The following DHRS4 variants were observed in gnomAD, a reference collection of about 807,000 sequenced individuals.
DHRS4 encodes the protein dehydrogenase/reductase 4.
A neutral mutation model predicts 28.4 loss-of-function variants in DHRS4; 20 were observed. That is an observed-to-expected ratio of 0.71 (90% confidence interval 0.50 to 1.02). The LOEUF (loss-of-function observed/expected upper bound fraction) is 1.02, where lower values mean the gene tolerates loss of function less well. Among genes scored for constraint, DHRS4 ranks in the 50% least tolerant of loss-of-function variants. DHRS4 has a pLI of 0.00. For synonymous variants in DHRS4, 144 were observed against 146.4 expected (o/e 0.98, Z 0.12); for missense variants, 378 against 367.2 (o/e 1.03, Z -0.24).
At chr14:23,954,706 T>C (rs1045275088) in intron 1 of DHRS4, among the ~76,000 whole-genome samples, 3 of 152,152 alleles carry the variant, frequency 2.0e-5, no homozygotes, top group African/African-American at 7.2e-5. Flanking sequence ...GACCCTCAAA[T>C]CACGGAAGTG....
chr14:23,964,979 C>A (rs1318332683), intron 3 of DHRS4, among the ~76,000 whole-genome samples: 1 of 150,340 alleles, frequency 6.7e-6, no homozygotes, highest in Non-Finnish European at 1.5e-5. Flanking sequence ...AACTGAGTTT[C>A]AATGGTTCAT....
intron 6 of DHRS4, among the ~76,000 whole-genome samples, chr14:23,966,921 C>G (rs71405820): frequency 3.3e-5 from 5 of 152,312 alleles, no homozygotes; most frequent in Non-Finnish European, 7.4e-5. Context: ...ATTGGGAGGC[C>G]GAGGCGGGCA....
chr14:23,965,935 C>T lies in DHRS4; in HGVS notation c.483C>T (p.Gly161=), dbSNP rs76754832. 0.021 allele frequency: 33,169 copies of T among 1,607,600 alleles called. 1,246 individuals are homozygous for T. Among genetic ancestry groups the T allele is most frequent in the African/African-American group, 0.053 (3,932 of 73,986 alleles). Residue 161 remains glycine, a synonymous_variant, in exon 5 of 8, where the codon GGC becomes GGT. Transcript: ENST00000313250. The part of the protein sequence containing the change: ...AVVPEMEKRG[G]GSVVIVSSIA... Reference sequence around the variant, plus strand: ...GTCAGCTCTCTTCTTTTTCCAGAGGCGGCTCAGTGGTGATCGTGTCTTCCA... The same window carrying T: ...GTCAGCTCTCTTCTTTTTCCAGAGGTGGCTCAGTGGTGATCGTGTCTTCCA...
Position 23,954,712 on chromosome 14 carries a change from A to G in DHRS4, c.129-323A>G, listed in dbSNP as rs199842000. ...TCTGAGTGAGACCCTCAAATCACGG[A>G]AGTGGCTGCTGCTGCAAACCCAGCT... On this transcript the variant is annotated intron_variant, in intron 1 of 7. Transcript: ENST00000313250. Among the ~76,000 whole-genome samples the G allele has an allele frequency of 6.6e-5, 10 of 152,346 alleles. No homozygotes were observed. In the East Asian group the frequency reaches 1.9e-3, roughly 29 times the overall value.
chr14:23,968,908 T>C lies in DHRS4; in HGVS notation c.*37T>C, dbSNP rs2033752160. ...CAGCCCACAGGCCAGAGTTGGGCTC[T>C]AGCTCCTGGTGCTGTTCCCGCATTC... is the stretch of plus-strand genomic sequence containing the variant. On this transcript the variant is annotated 3_prime_UTR_variant, in exon 8 of 8. Coordinates refer to ENST00000313250, the MANE Select transcript of DHRS4 (RefSeq NM_021004.4). The C allele has an allele frequency of 6.2e-7, 1 of 1,605,332 alleles. No homozygotes were observed. The highest frequency in any genetic ancestry group is 8.5e-7 in the Non-Finnish European group (1 of 1,175,948).
chr14:23,967,528 G>A (rs1264001322), intron 7 of DHRS4: 3 of 703,912 alleles, frequency 4.3e-6, no homozygotes, highest in Admixed American at 4.1e-5. Context: ...CTCCACCTGG[G>A]GGATTGCCTC....
intron 3 of DHRS4, among the ~76,000 whole-genome samples, chr14:23,962,558 T>C (rs11845361): frequency 0.53 from 78,006 of 147,984 alleles, 18,191 homozygotes; most frequent in East Asian, 0.74. Flanking sequence ...CGTGAGATTG[T>C]AGCAATTCAG....
chr14:23,958,790 G>C (rs142311197), intron 2 of DHRS4, among the ~76,000 whole-genome samples: 54 of 152,274 alleles, frequency 3.5e-4, no homozygotes, highest in African/African-American at 1.2e-3. Context: ...ACTGACCTCA[G>C]TTCTTCCACC....
chr14:23,957,521 G>A (rs1354919518), intron 2 of DHRS4, among the ~76,000 whole-genome samples: 1 of 150,578 alleles, frequency 6.6e-6, no homozygotes, highest in Non-Finnish European at 1.5e-5. Flanking sequence ...TTGGTGTAGT[G>A]ATCACACAAT....
chr14:23,967,004 A>C (rs2033648958), intron 6 of DHRS4, among the ~76,000 whole-genome samples: 1 of 151,952 alleles, frequency 6.6e-6, no homozygotes, highest in East Asian at 1.9e-4. Flanking sequence ...AAATACAAAA[A>C]ATTAGCCGGG....
intron 3 of DHRS4, among the ~76,000 whole-genome samples, chr14:23,964,244 A>AC (rs2033530912): frequency 7.3e-6 from 1 of 136,932 alleles, no homozygotes; most frequent in Non-Finnish European, 1.6e-5. Context: ...AAAAAAAAAA[A>AC]AAAAAAAAAA....
chr14:23,960,817 A>C (rs1482504817), intron 3 of DHRS4, among the ~76,000 whole-genome samples: 5 of 152,126 alleles, frequency 3.3e-5, no homozygotes, highest in Non-Finnish European at 7.3e-5. Flanking sequence ...ATTTATAAAG[A>C]AAAGAAGTTT....
rs753447935 is a variant in DHRS4 at position 23,955,087 on chromosome 14, G to C, written c.181G>C (p.Val61Leu). The change falls in exon 2 of 8, where the codon GTC (valine) becomes CTC (leucine). Residue 61 changes from valine (V) to leucine (L), a missense_variant. Val to Leu is a conservative substitution (Grantham distance 32). Transcript: ENST00000313250. Reference protein sequence around the residue: ...RLAQDGAHVVVSSRKQQNVDQ... With the variant: ...RLAQDGAHVVLSSRKQQNVDQ... ...GGCCCAGGACGGGGCCCATGTGGTC[G>C]TCAGCAGCCGGAAGCAGCAGAATGT... 14 of 1,614,062 alleles carry C rather than the reference G, an allele frequency of 8.7e-6. No individual in the cohort carries two copies. Among genetic ancestry groups the C allele is most frequent in the South Asian group, 4.4e-5 (4 of 91,088 alleles).
chr14:23,968,809 G>T lies in DHRS4; in HGVS notation c.775G>T (p.Asp259Tyr), dbSNP rs373889538. The T allele has an allele frequency of 6.2e-7, 1 of 1,610,658 alleles. No individual in the cohort carries two copies. Among genetic ancestry groups the T allele is most frequent in the Non-Finnish European group, 8.5e-7 (1 of 1,178,572 alleles). ...AGIVSFLCSE[D>Y]ASYITGETVV... ...CATCGTGTCTTTCCTGTGCTCTGAA[G>T]ATGCCAGCTACATCACTGGGGAAAC... Residue 259 changes from aspartate (D) to tyrosine (Y), a missense_variant, in exon 8 of 8, where the codon GAT becomes TAT. Physicochemically the swap from Asp to Tyr is radical, Grantham distance 160. Coordinates refer to ENST00000313250, the MANE Select transcript of DHRS4 (RefSeq NM_021004.4).
At chr14:23,960,814 A>G (rs2033387932) in intron 3 of DHRS4, among the ~76,000 whole-genome samples, 1 of 152,132 alleles carries the variant, frequency 6.6e-6, no homozygotes, top group Non-Finnish European at 1.5e-5. Flanking sequence ...GCAATTTATA[A>G]AGAAAAGAAG....
At position 23,953,808 on chromosome 14, in the gene DHRS4, T is replaced by C. The variant is rs1384806404; in HGVS notation, c.20T>C (p.Leu7Pro). Residue 7 changes from leucine (L) to proline (P), a missense_variant, in exon 1 of 8, where the codon CTA becomes CCA. Leu to Pro is a moderately conservative substitution (Grantham distance 98). Coordinates refer to ENST00000313250, the MANE Select transcript of DHRS4 (RefSeq NM_021004.4). MHKAGLLGLCARAWNSV... is the reference protein window; with the variant it reads MHKAGLPGLCARAWNSV... ...TGATCCATGCACAAGGCGGGGCTGC[T>C]AGGCCTCTGTGCCCGGGCTTGGAAT... The C allele has an allele frequency of 4.3e-6, 7 of 1,614,116 alleles. No individual in the cohort carries two copies. Among genetic ancestry groups the C allele is most frequent in the South Asian group, 1.1e-5 (1 of 91,086 alleles).
intron 6 of DHRS4, 89 bp downstream of exon 6, chr14:23,966,506 C>T (rs1317421986): frequency 3.2e-6 from 5 of 1,568,534 alleles, no homozygotes; most frequent in Non-Finnish European, 4.3e-6. Context: ...GAGTCCTGAG[C>T]TCTCAGCCAC....
chr14:23,969,041 C>T lies in DHRS4; in HGVS notation c.*170C>T. 9 of 1,334,534 alleles carry T rather than the reference C, an allele frequency of 6.7e-6. No individual in the cohort carries two copies. Among genetic ancestry groups the T allele is most frequent in the Non-Finnish European group, 8.9e-6 (9 of 1,006,874 alleles). 82.7% of individuals were successfully genotyped at this position (1,334,534 alleles called of 1,614,324 possible). On this transcript the variant is annotated 3_prime_UTR_variant, in exon 8 of 8. Transcript: ENST00000313250. ...CCTGCCGTCAAGGTGGCGTCTTACT[C>T]GGGATTTCTGCTGTTGTTGTGGCCT...
At chr14:23,960,427 C>G (rs138862127) in intron 3 of DHRS4, among the ~76,000 whole-genome samples, 2,565 of 152,000 alleles carry the variant, frequency 0.017, 93 homozygotes, top group African/African-American at 0.059. Context: ...AATGCTGCTC[C>G]TTATTTAAAA....
Sources: allele counts gnomAD v4.1 joint callset (sites outside exome capture counted in the v4.1 genomes callset), GRCh38; gene constraint gnomAD v4.1.1; transcripts MANE v1.5; gene names NCBI Gene and HGNC (gene_info 2026-07-23, HGNC 2026-07-21).